Variants in NRXN1 observed in about 807,000 individuals in gnomAD.
NRXN1 encodes neurexin-1.
A neutral mutation model predicts 150.9 loss-of-function variants in NRXN1; 39 were observed. The ratio of observed to expected loss-of-function variants is 0.26; its 90% CI spans 0.20 to 0.34. The LOEUF is 0.34. Among genes scored for constraint, NRXN1 ranks in the 10% least tolerant of loss-of-function variants. NRXN1 has a pLI of 1.00. For missense variants in NRXN1, 1,815 were observed against 1,949.9 expected, an observed-to-expected ratio of 0.93 and a Z score of 1.30; for synonymous variants, 924 against 757.0, an observed-to-expected ratio of 1.22 and a Z score of -3.62.
At chr2:50,506,197 T>C (rs531912374) in intron 13 of NRXN1, among the ~76,000 whole-genome samples, 18 of 152,170 alleles carry the variant, frequency 1.2e-4, no homozygotes, top group Admixed American at 1.0e-3. Flanking sequence ...CATCTAAACA[T>C]GACTGCAATA....
chr2:50,932,280 C>T (rs934524589), intron 2 of NRXN1, among the ~76,000 whole-genome samples: 9 of 151,838 alleles, frequency 5.9e-5, no homozygotes, highest in African/African-American at 1.7e-4. Flanking sequence ...CCCAGCTACT[C>T]AGGAGGCTGA....
chr2:50,837,362 C>A (rs893093887), intron 5 of NRXN1, among the ~76,000 whole-genome samples: 4 of 152,076 alleles, frequency 2.6e-5, no homozygotes, highest in African/African-American at 7.2e-5. Flanking sequence ...GGCAGTAGAG[C>A]ATAATGGTTT....
chr2:50,175,484 C>T (rs1020773381), intron 18 of NRXN1, among the ~76,000 whole-genome samples: 10 of 151,898 alleles, frequency 6.6e-5, no homozygotes, highest in African/African-American at 2.4e-4. Flanking sequence ...ATGAATGGGT[C>T]ACTCTTAAAA....
chr2:50,581,138 C>T (rs527684575), intron 8 of NRXN1, among the ~76,000 whole-genome samples: 2 of 152,268 alleles, frequency 1.3e-5, no homozygotes, highest in East Asian at 1.9e-4. Flanking sequence ...TATGAATACA[C>T]AGAAGTTCCC....
chr2:50,135,723 A>T (rs1344793329), intron 18 of NRXN1, among the ~76,000 whole-genome samples: 1 of 151,656 alleles, frequency 6.6e-6, no homozygotes, highest in African/African-American at 2.4e-5. Context: ...AAACAAAACA[A>T]AACAAAAAAA....
At chr2:50,149,548 C>G (rs1263668304) in intron 18 of NRXN1, among the ~76,000 whole-genome samples, 1 of 151,610 alleles carries the variant, frequency 6.6e-6, no homozygotes, top group Non-Finnish European at 1.5e-5. Context: ...CAAAATAATT[C>G]GAATTCATTC....
intron 21 of NRXN1, among the ~76,000 whole-genome samples, chr2:50,031,881 T>G (rs538104128): frequency 6.6e-6 from 1 of 152,056 alleles, no homozygotes; most frequent in South Asian, 2.1e-4. Flanking sequence ...TTAGAGAGCA[T>G]GTCTCCTGGT....
intron 8 of NRXN1, chr2:50,619,150 C>T (rs1022321218): frequency 6.6e-6 from 1 of 152,102 alleles, no homozygotes; most frequent in African/African-American, 2.4e-5. Flanking sequence ...TACATCACTG[C>T]TTACCAACAG....
chr2:49,939,831 T>A (rs1293563363), intron 22 of NRXN1, among the ~76,000 whole-genome samples: 2 of 152,150 alleles, frequency 1.3e-5, no homozygotes, highest in Non-Finnish European at 2.9e-5. Flanking sequence ...CTATTTTTGC[T>A]CCCAGAGCTT....
intron 8 of NRXN1, among the ~76,000 whole-genome samples, chr2:50,555,081 T>A (rs1668036541): frequency 6.6e-6 from 1 of 152,192 alleles, no homozygotes; most frequent in South Asian, 2.1e-4. Flanking sequence ...TTTTATCGCT[T>A]CTCTCTATGA....
intron 8 of NRXN1, among the ~76,000 whole-genome samples, chr2:50,597,565 T>C (rs1004182008): frequency 1.3e-5 from 2 of 152,304 alleles, no homozygotes; most frequent in South Asian, 4.1e-4. Flanking sequence ...CGTCTCCTCA[T>C]TAAACTTCCC....
chr2:50,562,967 T>G (rs1669323303), intron 8 of NRXN1, among the ~76,000 whole-genome samples: 1 of 152,262 alleles, frequency 6.6e-6, no homozygotes, highest in Non-Finnish European at 1.5e-5. Context: ...TTATAAACAT[T>G]ATAAACATCT....
intron 2 of NRXN1, among the ~76,000 whole-genome samples, chr2:51,023,345 G>C (rs1286369055): frequency 6.6e-6 from 1 of 152,266 alleles, no homozygotes; most frequent in South Asian, 2.1e-4. Context: ...CCAGAAGGTT[G>C]TGCACTGCCT....
chr2:50,859,764 T>C (rs867070264), intron 5 of NRXN1, among the ~76,000 whole-genome samples: 3 of 151,478 alleles, frequency 2.0e-5, no homozygotes, highest in South Asian at 2.1e-4. Context: ...ACTTTGACAA[T>C]TATAAATATA....
intron 16 of NRXN1, among the ~76,000 whole-genome samples, chr2:50,470,921 T>C (rs746487585): frequency 1.3e-5 from 2 of 151,768 alleles, no homozygotes; most frequent in Non-Finnish European, 2.9e-5. Context: ...ATTTCTGATA[T>C]AGGAATATTA....
rs551524012 is a variant in NRXN1 at position 50,248,838 on chromosome 2, T to C, written c.3365-11868A>G. 5.3e-5 allele frequency among the ~76,000 whole-genome samples: 8 copies of C among 152,214 alleles called. 1 individual carries two copies. In the East Asian group the frequency reaches 1.5e-3, roughly 29 times the overall value. On this transcript the variant is annotated intron_variant, in intron 17 of 22. Coordinates refer to ENST00000401669, the MANE Select transcript of NRXN1 (RefSeq NM_001330078.2). ...GGAAACTAGTGTAAACAAATACTTG[T>C]ATGTGTAGAAATTGGCATACGTTTT...
intron 21 of NRXN1, among the ~76,000 whole-genome samples, chr2:50,000,724 T>G (rs961766296): frequency 6.6e-6 from 1 of 152,142 alleles, no homozygotes; most frequent in African/African-American, 2.4e-5. Context: ...TGGTGAAAAG[T>G]GTACAAAGGG....
At chr2:50,787,081 G>C (rs1705232195) in intron 5 of NRXN1, among the ~76,000 whole-genome samples, 1 of 152,062 alleles carries the variant, frequency 6.6e-6, no homozygotes, top group African/African-American at 2.4e-5. Flanking sequence ...AGATGACAGG[G>C]AATTCTCATG....
At chr2:50,631,414 G>A (rs1032230967) in intron 5 of NRXN1, 3 of 195,606 alleles carry the variant, frequency 1.5e-5, no homozygotes, top group African/African-American at 7.2e-5. Context: ...ATTTAGTCCA[G>A]TGCCTTCATT....
Sources: allele counts gnomAD v4.1 joint callset (sites outside exome capture counted in the v4.1 genomes callset), GRCh38; gene constraint gnomAD v4.1.1; transcripts MANE v1.5; gene names NCBI Gene and HGNC (gene_info 2026-07-23, HGNC 2026-07-21).